Variants in FKBP3 observed in about 807,000 individuals in gnomAD.
FKBP3 encodes the protein peptidyl-prolyl cis-trans isomerase FKBP3.
FKBP3 carries 21 observed loss-of-function variants against 30.6 expected under a neutral mutation model. That is an observed-to-expected ratio of 0.69 (90% CI 0.49 to 0.99). The LOEUF is 0.99. FKBP3 is among the 50% of genes least tolerant of loss of function. The pLI, the probability that FKBP3 is intolerant of heterozygous loss-of-function variation, is 0.00. For synonymous variants in FKBP3, 82 were observed against 91.3 expected (o/e 0.90, Z 0.58); for missense variants, 283 against 261.6 (o/e 1.08, Z -0.56).
intron 1 of FKBP3, among the ~76,000 whole-genome samples, chr14:45,133,762 C>G (rs966239891): frequency 1.3e-5 from 2 of 152,148 alleles, no homozygotes; most frequent in Non-Finnish European, 2.9e-5. Context: ...CAATGACAGA[C>G]CACTGCACAA....
intron 3 of FKBP3, among the ~76,000 whole-genome samples, chr14:45,125,903 A>T (rs1042983047): frequency 4.8e-5 from 7 of 145,312 alleles, no homozygotes; most frequent in South Asian, 2.2e-4. Context: ...AAGAAAAAAA[A>T]TTTTTTTTTT....
intron 3 of FKBP3, among the ~76,000 whole-genome samples, chr14:45,126,040 A>G (rs1009103226): frequency 6.6e-6 from 1 of 152,032 alleles, no homozygotes; most frequent in Non-Finnish European, 1.5e-5. Flanking sequence ...TTGGGACTAC[A>G]GGCACACACC....
chr14:45,121,702 C>A, intron 3 of FKBP3, 82 bp from the exon 4 acceptor site: 2 of 1,478,672 alleles, frequency 1.4e-6, no homozygotes, highest in Non-Finnish European at 1.8e-6. Flanking sequence ...CCAACAATGA[C>A]CAAAGTCAGT....
intron 3 of FKBP3, among the ~76,000 whole-genome samples, chr14:45,124,580 A>T (rs1885057923): frequency 6.6e-6 from 1 of 151,526 alleles, no homozygotes; most frequent in Non-Finnish European, 1.5e-5. Flanking sequence ...TTTAAGAGAC[A>T]GGGTTTCAGT....
At chr14:45,128,682 C>G (rs1409277696) in intron 3 of FKBP3, among the ~76,000 whole-genome samples, 3 of 152,180 alleles carry the variant, frequency 2.0e-5, no homozygotes, top group African/African-American at 4.8e-5. Flanking sequence ...TGGGCTCAAG[C>G]TGGCCAGTTA....
chr14:45,117,441 A>G (rs991565501), intron 6 of FKBP3, among the ~76,000 whole-genome samples: 3 of 152,080 alleles, frequency 2.0e-5, no homozygotes, highest in African/African-American at 4.8e-5. Context: ...CCTCTTACCT[A>G]TTGGATTGGT....
intron 3 of FKBP3, among the ~76,000 whole-genome samples, chr14:45,128,897 C>A (rs1209931292): frequency 6.6e-6 from 1 of 152,150 alleles, no homozygotes; most frequent in Non-Finnish European, 1.5e-5. Context: ...AATAATTGCT[C>A]CATTTACCTT....
In FKBP3 at chr14:45,127,109, C is replaced by T. The variant is rs868538161; in HGVS notation, c.318+2685G>A. ...GGCACCAGCCACTGTACCTGACTGA[C>T]CCTGTCTTTTTTTTTTTTTTTGAGA... On this transcript the variant is annotated intron_variant, in intron 3 of 6. Transcript: ENST00000396062. 4.1e-4 allele frequency among the ~76,000 whole-genome samples: 54 copies of T among 130,564 alleles called. No homozygotes were observed. The Middle Eastern group carries it at 0.011, about 28-fold the overall frequency. 85.7% of individuals were successfully genotyped at this position (130,564 alleles called of 152,430 possible).
intron 3 of FKBP3, among the ~76,000 whole-genome samples, chr14:45,129,044 G>C (rs1429729861): frequency 2.6e-5 from 4 of 152,162 alleles, no homozygotes; most frequent in Non-Finnish European, 5.9e-5. Flanking sequence ...AAATTAACTA[G>C]CTTTAATCAA....
chr14:45,134,234 C>T (rs1885313788), intron 1 of FKBP3, 115 bp downstream of exon 1: 5 of 900,368 alleles, frequency 5.6e-6, no homozygotes, highest in South Asian at 1.6e-5. Context: ...TCCAGGCCAC[C>T]GGCCGCGGGA....
At chr14:45,131,319 A>G (rs1885208658) in intron 1 of FKBP3, 1 of 152,184 alleles carries the variant, frequency 6.6e-6, no homozygotes, top group African/African-American at 2.4e-5. Context: ...CTGTGGAGTC[A>G]TATTATCTAG....
intron 3 of FKBP3, among the ~76,000 whole-genome samples, chr14:45,123,920 C>G (rs983244423): frequency 6.6e-5 from 10 of 151,800 alleles, no homozygotes; most frequent in Admixed American, 6.6e-4. Flanking sequence ...GCCCAGCCCC[C>G]TCATTCTTTT....
At chr14:45,126,022 C>T (rs770560048) in intron 3 of FKBP3, among the ~76,000 whole-genome samples, 3 of 152,056 alleles carry the variant, frequency 2.0e-5, no homozygotes, top group Non-Finnish European at 4.4e-5. Flanking sequence ...GCTCAGCCTC[C>T]TGAGTAGTTG....
At chr14:45,117,011 C>G (rs1884860130) in intron 6 of FKBP3, among the ~76,000 whole-genome samples, 1 of 151,946 alleles carries the variant, frequency 6.6e-6, no homozygotes. Context: ...TCACTCTTTC[C>G]TCCAGGCTGG....
chr14:45,134,219 G>A (rs1030501208), intron 1 of FKBP3, 130 bp downstream of exon 1: 7 of 765,920 alleles, frequency 9.1e-6, no homozygotes, highest in Non-Finnish European at 1.1e-5. Flanking sequence ...GGGCCTCTCC[G>A]GCCTTCCAGG....
intron 1 of FKBP3, 151 bp from the exon 2 acceptor site, chr14:45,130,951 C>CA: frequency 2.1e-6 from 1 of 480,064 alleles, no homozygotes; most frequent in Non-Finnish European, 3.7e-6. Flanking sequence ...CTCTTTGTTA[C>CA]AAAAAAAGTA....
At chr14:45,123,985 C>A (rs1208633002) in intron 3 of FKBP3, among the ~76,000 whole-genome samples, 1 of 152,004 alleles carries the variant, frequency 6.6e-6, no homozygotes, top group Non-Finnish European at 1.5e-5. Flanking sequence ...CTTTCCCCTA[C>A]TGTCAGTAGG....
chr14:45,124,405 G>A (rs1177649364), intron 3 of FKBP3, among the ~76,000 whole-genome samples: 2 of 151,972 alleles, frequency 1.3e-5, no homozygotes, highest in South Asian at 4.2e-4. Flanking sequence ...GGTGGCAGGC[G>A]CCTGAAATCC....
At chr14:45,133,641 T>C (rs1376133196) in intron 1 of FKBP3, among the ~76,000 whole-genome samples, 2 of 152,196 alleles carry the variant, frequency 1.3e-5, no homozygotes, top group Non-Finnish European at 2.9e-5. Context: ...GAAAAACAAG[T>C]GTAACAAAAA....
Sources: gnomAD v4.1 joint callset for allele counts (sites outside exome capture counted in the v4.1 genomes callset) on GRCh38, gnomAD v4.1.1 for gene constraint, MANE v1.5 for transcripts, NCBI Gene and HGNC (gene_info 2026-07-23, HGNC 2026-07-21) for gene names.